SMYD3: variants seen among roughly 807,000 people sequenced by gnomAD.
SMYD3 encodes the protein SET and MYND domain containing 3.
SMYD3 carries 36 observed loss-of-function variants against 57.7 expected under a neutral mutation model. The ratio of observed to expected loss-of-function variants is 0.62; its 90% CI spans 0.48 to 0.82. The LOEUF (loss-of-function observed/expected upper bound fraction) is 0.82. Among genes scored for constraint, SMYD3 ranks in the 40% least tolerant of loss-of-function variants. The pLI is 0.00. For missense variants in SMYD3, 515 were observed against 538.8 expected (o/e 0.96, Z 0.44); for synonymous variants, 211 against 195.0 (o/e 1.08, Z -0.68).
Position 246,375,918 on chromosome 1 carries a change from C to T in SMYD3, c.165-20824G>A, listed in dbSNP as rs141907131. On this transcript the variant is annotated intron_variant, in intron 1 of 11. Coordinates refer to ENST00000490107, the MANE Select transcript of SMYD3 (RefSeq NM_001167740.2). ...CTCATTTTTGTATTTTTAGTAGAGA[C>T]GGGGTTTCACCATGTTGGCCAGGCT... Among the ~76,000 whole-genome samples, 1,112 of 151,794 alleles carry T rather than the reference C, an allele frequency of 7.3e-3. 4 individuals are homozygous for T. The highest frequency in any genetic ancestry group is 0.027 in the Middle Eastern group (8 of 294).
intron 10 of SMYD3, among the ~76,000 whole-genome samples, chr1:245,798,034 C>T (rs769830393): frequency 2.0e-5 from 3 of 152,102 alleles, no homozygotes; most frequent in Non-Finnish European, 4.4e-5. Flanking sequence ...TCGGCATCAA[C>T]GTCCAGTGTG....
intron 5 of SMYD3, among the ~76,000 whole-genome samples, chr1:246,018,114 C>T (rs2059408714): frequency 6.6e-6 from 1 of 152,138 alleles, no homozygotes; most frequent in South Asian, 2.1e-4. Context: ...GTTCCCAGGT[C>T]CTCTCAGTGG....
chr1:246,148,956 A>G (rs1049238060), intron 5 of SMYD3, among the ~76,000 whole-genome samples: 2 of 152,218 alleles, frequency 1.3e-5, no homozygotes, highest in African/African-American at 4.8e-5. Flanking sequence ...GGAAAACCCT[A>G]CAACTCAGGG....
chr1:246,197,952 AT>A (rs1291697415), intron 5 of SMYD3, among the ~76,000 whole-genome samples: 1 of 152,192 alleles, frequency 6.6e-6, no homozygotes, highest in Non-Finnish European at 1.5e-5. Flanking sequence ...TTTGTTTGCC[AT>A]TGTAATTGTG....
chr1:246,374,230 T>C (rs1572434041), intron 1 of SMYD3, among the ~76,000 whole-genome samples: 1 of 152,332 alleles, frequency 6.6e-6, no homozygotes. Flanking sequence ...GCTAATGACC[T>C]GTAAACAGGT....
intron 5 of SMYD3, among the ~76,000 whole-genome samples, chr1:246,091,095 C>T (rs902264097): frequency 6.6e-6 from 1 of 152,152 alleles, no homozygotes; most frequent in Non-Finnish European, 1.5e-5. Flanking sequence ...CAGTTAGAAA[C>T]GCGGTTAGCA....
intron 1 of SMYD3, among the ~76,000 whole-genome samples, chr1:246,359,019 A>G (rs967477197): frequency 2.6e-5 from 4 of 152,206 alleles, no homozygotes; most frequent in Non-Finnish European, 5.9e-5. Context: ...AAGATAAATG[A>G]AACAAAAGGC....
Position 246,383,413 on chromosome 1 carries a change from C to T in SMYD3, c.165-28319G>A, listed in dbSNP as rs2066421391. On this transcript the variant is annotated intron_variant, in intron 1 of 11. Coordinates refer to ENST00000490107, the MANE Select transcript of SMYD3 (RefSeq NM_001167740.2). ...CTTCATTTGAGAGACTGACTCCACC[C>T]CAGACCAATGAATCAGAATCTACAT... Among the ~76,000 whole-genome samples the T allele has an allele frequency of 2.0e-5, 3 of 152,282 alleles. No individual in the cohort carries two copies. The South Asian group carries it at 6.2e-4, about 32-fold the overall frequency.
chr1:246,448,522 C>T (rs1292179767), intron 1 of SMYD3, among the ~76,000 whole-genome samples: 2 of 151,924 alleles, frequency 1.3e-5, no homozygotes, highest in African/African-American at 4.8e-5. Context: ...CTACGACCCA[C>T]GACCTGCAGC....
intron 5 of SMYD3, among the ~76,000 whole-genome samples, chr1:246,269,543 C>CTTTTTTTTTTTTTTTTTTTTCTT (rs570972296): frequency 7.4e-6 from 1 of 135,220 alleles, no homozygotes; most frequent in Non-Finnish European, 1.6e-5. Flanking sequence ...CTTTTTTTTT[C>CTTTTTTTTTTTTTTTTTTTTCTT]TTTTTTTTTT....
intron 5 of SMYD3, among the ~76,000 whole-genome samples, chr1:246,025,579 C>T (rs1018176611): frequency 2.6e-5 from 4 of 152,170 alleles, no homozygotes; most frequent in African/African-American, 7.2e-5. Flanking sequence ...GTCCTATACA[C>T]TAGGCTAGCC....
intron 8 of SMYD3, among the ~76,000 whole-genome samples, chr1:245,882,885 T>C (rs1257564497): frequency 6.6e-6 from 1 of 152,220 alleles, no homozygotes; most frequent in Non-Finnish European, 1.5e-5. Flanking sequence ...GATGAGCTTA[T>C]GGTAGCATGA....
At chr1:246,272,733 GT>G (rs1348569588) in intron 5 of SMYD3, among the ~76,000 whole-genome samples, 3 of 152,156 alleles carry the variant, frequency 2.0e-5, no homozygotes, top group Admixed American at 6.5e-5. Context: ...AGGGATACTG[GT>G]TTGTAGTTTT....
At chr1:246,438,352 A>G (rs1166633245) in intron 1 of SMYD3, among the ~76,000 whole-genome samples, 1 of 152,174 alleles carries the variant, frequency 6.6e-6, no homozygotes, top group Non-Finnish European at 1.5e-5. Flanking sequence ...TTCTAATATA[A>G]AACACACATA....
At chr1:246,464,188 A>C (rs2067850187) in intron 1 of SMYD3, among the ~76,000 whole-genome samples, 1 of 152,022 alleles carries the variant, frequency 6.6e-6, no homozygotes. Context: ...AGCTGATGGG[A>C]ATGTGTCAGT....
At chr1:246,274,021 G>C (rs2064282570) in intron 5 of SMYD3, among the ~76,000 whole-genome samples, 3 of 151,820 alleles carry the variant, frequency 2.0e-5, no homozygotes, top group South Asian at 4.2e-4. Context: ...ACTAATTTTG[G>C]TATTAACTTC....
intron 5 of SMYD3, among the ~76,000 whole-genome samples, chr1:245,979,819 A>G (rs1572837356): frequency 1.3e-5 from 2 of 152,206 alleles, no homozygotes; most frequent in South Asian, 4.1e-4. Flanking sequence ...TCTAATTCCA[A>G]TGCTCACTAT....
At chr1:246,451,899 T>G (rs1010051881) in intron 1 of SMYD3, among the ~76,000 whole-genome samples, 1 of 152,218 alleles carries the variant, frequency 6.6e-6, no homozygotes, top group Admixed American at 6.5e-5. Context: ...ATACTGTTTT[T>G]TTAAATGCCT....
chr1:246,010,201 T>C (rs1157003458), intron 5 of SMYD3, among the ~76,000 whole-genome samples: 2 of 151,930 alleles, frequency 1.3e-5, no homozygotes, highest in Non-Finnish European at 2.9e-5. Context: ...CTTTACTTCT[T>C]CTAGTTCTCT....
Sources: gnomAD v4.1 joint callset for allele counts (sites outside exome capture counted in the v4.1 genomes callset) on GRCh38, gnomAD v4.1.1 for gene constraint, MANE v1.5 for transcripts, NCBI Gene and HGNC (gene_info 2026-07-23, HGNC 2026-07-21) for gene names.